PCP4: variants seen among roughly 807,000 people sequenced by gnomAD.
PCP4 encodes the protein calmodulin regulator protein PCP4.
In PCP4, 8 loss-of-function variants were observed where a neutral mutation model predicts 10.0. The observed-to-expected ratio is 0.80, with a 90% CI of 0.47 to 1.45. The LOEUF is 1.45. Ranked by LOEUF, PCP4 falls within the 40% of genes most tolerant of loss-of-function variation. The pLI is 0.00. For missense variants in PCP4, 54 were observed against 74.4 expected (o/e 0.73, Z 1.01); for synonymous variants, 21 against 23.0 (o/e 0.91, Z 0.24).
chr21:39,910,362 C>T (rs943807567), intron 2 of PCP4, among the ~76,000 whole-genome samples: 3 of 152,138 alleles, frequency 2.0e-5, no homozygotes, highest in Non-Finnish European at 4.4e-5. Flanking sequence ...CCATGATCCT[C>T]CTCTCACCCA....
chr21:39,914,923 A>G lies in PCP4; in HGVS notation c.62-14061A>G, dbSNP rs113387096. ...TCGATACCTGGTAAAACCAGGGAAT[A>G]TCAGAGAAAAAGGAAAACTCCAATT... On this transcript the variant is annotated intron_variant, in intron 2 of 2. Transcript: ENST00000328619. Among the ~76,000 whole-genome samples, 1,032 of 152,340 alleles carry G rather than the reference A, an allele frequency of 6.8e-3. 13 individuals carry two copies. Among genetic ancestry groups the G allele is most frequent in the African/African-American group, 0.023 (974 of 41,572 alleles).
intron 2 of PCP4, among the ~76,000 whole-genome samples, chr21:39,913,654 G>A (rs937785702): frequency 2.0e-5 from 3 of 152,206 alleles, no homozygotes; most frequent in South Asian, 2.1e-4. Context: ...CCAGGTTGGT[G>A]GTAGCCTCAG....
intron 2 of PCP4, among the ~76,000 whole-genome samples, chr21:39,924,426 T>A (rs1033984053): frequency 2.6e-5 from 4 of 152,160 alleles, no homozygotes; most frequent in Admixed American, 2.0e-4. Flanking sequence ...TAGACCCACT[T>A]CTGCAGGGTG....
At position 39,906,340 on chromosome 21, in the gene PCP4, C is replaced by T. The variant is rs974865495; in HGVS notation, c.61+7813C>T. On this transcript the variant is annotated intron_variant, in intron 2 of 2. Coordinates refer to ENST00000328619, the MANE Select transcript of PCP4 (RefSeq NM_006198.3). The surrounding 1 kb of genome is among the most constrained non-coding windows in gnomAD (Gnocchi z 6.3). ...ATAAAGTTAATGGGCTACATCTTAG[C>T]CAAACCAGAAACTATTGTATCCATA... is the stretch of plus-strand genomic sequence containing the variant. Among the ~76,000 whole-genome samples, 1 of 152,156 alleles carries T rather than the reference C, an allele frequency of 6.6e-6. No individual in the cohort carries two copies. Among genetic ancestry groups the T allele is most frequent in the African/African-American group, 2.4e-5 (1 of 41,416 alleles).
chr21:39,900,443 TACTG>T (rs1297874011), intron 2 of PCP4, among the ~76,000 whole-genome samples: 3 of 152,306 alleles, frequency 2.0e-5, no homozygotes, highest in South Asian at 4.1e-4. Flanking sequence ...GCTGGAACCC[TACTG>T]ACTCTTATAG....
chr21:39,918,807 G>T (rs1254747484), intron 2 of PCP4, among the ~76,000 whole-genome samples: 2 of 152,128 alleles, frequency 1.3e-5, no homozygotes, highest in Non-Finnish European at 2.9e-5. Context: ...TGGCTTGTTG[G>T]AATCCCACAC....
intron 2 of PCP4, among the ~76,000 whole-genome samples, chr21:39,920,047 TGTG>T (rs1328666983): frequency 1.5e-5 from 1 of 67,942 alleles, no homozygotes; most frequent in Non-Finnish European, 4.0e-5. Context: ...GTATGTGTGG[TGTG>T]TGTGTGTAGG....
chr21:39,903,606 C>T (rs1427231076), intron 2 of PCP4, among the ~76,000 whole-genome samples: 2 of 152,118 alleles, frequency 1.3e-5, no homozygotes, highest in South Asian at 2.1e-4. Flanking sequence ...CGGTGGCTCA[C>T]GCCTGTAATC....
At chr21:39,920,739 C>T (rs980329855) in intron 2 of PCP4, among the ~76,000 whole-genome samples, 5 of 152,184 alleles carry the variant, frequency 3.3e-5, no homozygotes, top group Admixed American at 3.3e-4. Context: ...CTTTTCATGT[C>T]TGTTAATTTC....
At chr21:39,871,891 T>C (rs940202536) in intron 1 of PCP4, among the ~76,000 whole-genome samples, 1 of 152,210 alleles carries the variant, frequency 6.6e-6, no homozygotes, top group African/African-American at 2.4e-5. Flanking sequence ...TGACTCATTA[T>C]TGATTTTATT....
At chr21:39,923,110 A>C (rs1232968168) in intron 2 of PCP4, among the ~76,000 whole-genome samples, 1 of 152,250 alleles carries the variant, frequency 6.6e-6, no homozygotes, top group African/African-American at 2.4e-5. Context: ...GACCTGCGGC[A>C]AATACAAGTA....
At chr21:39,927,723 G>A (rs1386232346) in intron 2 of PCP4, among the ~76,000 whole-genome samples, 2 of 152,164 alleles carry the variant, frequency 1.3e-5, no homozygotes, top group African/African-American at 2.4e-5. Flanking sequence ...CAGGTCCCAG[G>A]AGAGGTCAGT....
chr21:39,893,850 A>C (rs992364056), intron 1 of PCP4, among the ~76,000 whole-genome samples: 1 of 152,184 alleles, frequency 6.6e-6, no homozygotes, highest in Non-Finnish European at 1.5e-5. Flanking sequence ...AAAAATAGGG[A>C]CATTGCTCTA....
intron 1 of PCP4, among the ~76,000 whole-genome samples, chr21:39,890,053 A>G (rs12106348): frequency 0.059 from 9,056 of 152,272 alleles, 344 homozygotes; most frequent in East Asian, 0.088. Flanking sequence ...TTATGGGTAT[A>G]GACAACAAAG....
chr21:39,910,033 C>A (rs2299779), intron 2 of PCP4, among the ~76,000 whole-genome samples: 8 of 151,882 alleles, frequency 5.3e-5, no homozygotes, highest in Non-Finnish European at 1.5e-5. Flanking sequence ...CGATCTCAGG[C>A]GATCTGCCCG....
intron 1 of PCP4, among the ~76,000 whole-genome samples, chr21:39,892,501 A>G (rs780866975): frequency 1.3e-5 from 2 of 149,608 alleles, no homozygotes; most frequent in East Asian, 2.0e-4. Flanking sequence ...GACACAGTTC[A>G]CACAGCTCTC....
At chr21:39,911,015 ACT>A (rs201535653) in intron 2 of PCP4, among the ~76,000 whole-genome samples, 1 of 150,922 alleles carries the variant, frequency 6.6e-6, no homozygotes, top group African/African-American at 2.5e-5. Context: ...TCGAATTCTG[ACT>A]CTTTATGATT....
At chr21:39,872,287 C>G (rs764388579) in intron 1 of PCP4, among the ~76,000 whole-genome samples, 1 of 152,198 alleles carries the variant, frequency 6.6e-6, no homozygotes, top group Non-Finnish European at 1.5e-5. Flanking sequence ...GTGTGAGCCA[C>G]CGCACCCAAC....
At chr21:39,886,911 G>A (rs1601174854) in intron 1 of PCP4, among the ~76,000 whole-genome samples, 1 of 152,128 alleles carries the variant, frequency 6.6e-6, no homozygotes, top group South Asian at 2.1e-4. Flanking sequence ...AATTGTAGGT[G>A]GCTTTTTGCA....
Sources: gnomAD v4.1 joint callset for allele counts (sites outside exome capture counted in the v4.1 genomes callset) on GRCh38, gnomAD v4.1.1 for gene constraint, Gnocchi (gnomAD v3.1) non-coding constraint, MANE v1.5 for transcripts, NCBI Gene and HGNC (gene_info 2026-07-23, HGNC 2026-07-21) for gene names.